ENOX1: variants seen among roughly 807,000 people sequenced by gnomAD.
The protein encoded by ENOX1 is ecto-NOX disulfide-thiol exchanger 1, also known as candidate growth-related and time keeping constitutive hydroquinone (NADH) oxidase.
In ENOX1, 42 loss-of-function variants were observed where a neutral mutation model predicts 82.5. That is an observed-to-expected ratio of 0.51 (90% CI 0.40 to 0.66). The LOEUF is 0.66. Among genes scored for constraint, ENOX1 ranks in the 30% least tolerant of loss-of-function variants. The pLI, the probability that ENOX1 is intolerant of heterozygous loss-of-function variation, is 0.00. For missense variants in ENOX1, 608 were observed against 811.6 expected, an observed-to-expected ratio of 0.75 and a Z score of 3.05; for synonymous variants, 271 against 282.2, an observed-to-expected ratio of 0.96 and a Z score of 0.40.
chr13:43,291,713 G>GC (rs1282893927), intron 12 of ENOX1, among the ~76,000 whole-genome samples: 1 of 152,134 alleles, frequency 6.6e-6, no homozygotes, highest in African/African-American at 2.4e-5. Flanking sequence ...AAAGGTAAAG[G>GC]CCCCCGAAAC....
intron 11 of ENOX1, among the ~76,000 whole-genome samples, chr13:43,315,901 A>G (rs2047451740): frequency 6.6e-6 from 1 of 152,158 alleles, no homozygotes; most frequent in Non-Finnish European, 1.5e-5. Flanking sequence ...AATAAACTGT[A>G]ATGTAGATAA....
chr13:43,563,501 A>G (rs996175361), intron 2 of ENOX1, among the ~76,000 whole-genome samples: 5 of 152,112 alleles, frequency 3.3e-5, no homozygotes, highest in Admixed American at 1.3e-4. Context: ...CTAACACAAA[A>G]TTAGTAGAAG....
chr13:43,392,786 A>T (rs550234419), intron 5 of ENOX1, among the ~76,000 whole-genome samples: 15 of 152,338 alleles, frequency 9.8e-5, no homozygotes, highest in African/African-American at 3.4e-4. Context: ...TTTCATGTTT[A>T]CAAACACATT....
chr13:43,449,873 A>T (rs562371337), intron 3 of ENOX1, among the ~76,000 whole-genome samples: 1 of 152,316 alleles, frequency 6.6e-6, no homozygotes, highest in South Asian at 2.1e-4. Flanking sequence ...GGCAGCAGTT[A>T]TTTCTATCTA....
At position 43,643,344 on chromosome 13, in the gene ENOX1, C is replaced by A. The variant is rs75313795; in HGVS notation, c.-219+24135G>T. On this transcript the variant is annotated intron_variant, in intron 2 of 16. Transcript: ENST00000690772. ...GATCCAGCACAGCACCCTGGCCATT[C>A]ATGACAGATGCCTATTTAGTATGAG... 5.3e-5 allele frequency among the ~76,000 whole-genome samples: 8 copies of A among 152,284 alleles called. No individual in the cohort carries two copies. In the East Asian group the frequency reaches 1.5e-3, roughly 29 times the overall value.
At chr13:43,381,629 C>T (rs2052055167) in intron 5 of ENOX1, among the ~76,000 whole-genome samples, 1 of 151,662 alleles carries the variant, frequency 6.6e-6, no homozygotes, top group Admixed American at 6.6e-5. Context: ...GATAAAACTC[C>T]AGCCAGCCTT....
chr13:43,766,706 T>G (rs1594743525), intron 1 of ENOX1, among the ~76,000 whole-genome samples: 1 of 152,346 alleles, frequency 6.6e-6, no homozygotes, highest in East Asian at 1.9e-4. Context: ...TAAAATAGAC[T>G]TGGTTTCTAA....
intron 10 of ENOX1, 46 bp from the exon 11 acceptor site, chr13:43,322,547 G>A: frequency 6.6e-7 from 1 of 1,510,578 alleles, no homozygotes; most frequent in East Asian, 2.3e-5. Flanking sequence ...GACACATATG[G>A]CTTTCCCCAA....
intron 12 of ENOX1, among the ~76,000 whole-genome samples, chr13:43,287,434 T>C (rs936753006): frequency 2.0e-5 from 3 of 152,250 alleles, no homozygotes; most frequent in Admixed American, 6.5e-5. Flanking sequence ...ATGTGATGTA[T>C]GATTTTATCG....
In ENOX1 at chr13:43,361,383, A is replaced by T; in HGVS notation, c.278T>A (p.Met93Lys). 1 of 1,613,418 alleles carries T rather than the reference A, an allele frequency of 6.2e-7. No homozygotes were observed. The highest frequency in any genetic ancestry group is 8.5e-7 in the Non-Finnish European group (1 of 1,179,850). Residue 93 changes from methionine (M) to lysine (K), a missense_variant, in exon 6 of 17, where the codon ATG becomes AAG. Coordinates refer to ENST00000690772, the MANE Select transcript of ENOX1 (RefSeq NM_001347969.2). ...MMTGITPINP[M>K]IPGLGLVPPP... ...AGGTACCAGTCCAAGGCCTGGTATC[A>T]TTGGGTTAATGGGGGTGATTCCAGT...
intron 1 of ENOX1, among the ~76,000 whole-genome samples, chr13:43,688,074 T>C (rs997663102): frequency 2.0e-5 from 3 of 152,144 alleles, no homozygotes. Flanking sequence ...ATTGCCCTTA[T>C]CCTAAGGGCA....
At position 43,578,317 on chromosome 13, in the gene ENOX1, T is replaced by C. The variant is rs190215306; in HGVS notation, c.-219+89162A>G. On this transcript the variant is annotated intron_variant, in intron 2 of 16. Transcript: ENST00000690772. ...CAGTGAAATTTATTTCAACTAAGAA[T>C]TGATGCAAACAACTGTACACTAGAT... 2.9e-3 allele frequency among the ~76,000 whole-genome samples: 438 copies of C among 152,308 alleles called. 4 individuals are homozygous for C. The highest frequency in any genetic ancestry group is 0.01 in the African/African-American group (417 of 41,568).
At chr13:43,548,268 C>CCT (rs1358267536) in intron 2 of ENOX1, among the ~76,000 whole-genome samples, 1 of 152,094 alleles carries the variant, frequency 6.6e-6, no homozygotes, top group Non-Finnish European at 1.5e-5. Context: ...AACTAACATC[C>CCT]CTCTCCCTGA....
chr13:43,693,929 G>A (rs576189208), intron 1 of ENOX1, among the ~76,000 whole-genome samples: 37 of 152,044 alleles, frequency 2.4e-4, no homozygotes, highest in Admixed American at 1.9e-3. Context: ...TTTAAAATAG[G>A]GTTTATCAAC....
intron 5 of ENOX1, among the ~76,000 whole-genome samples, chr13:43,362,684 C>T (rs1192680620): frequency 5.3e-5 from 8 of 152,166 alleles, no homozygotes; most frequent in African/African-American, 1.7e-4. Context: ...AATAACCACA[C>T]GCTTTGTTTA....
At chr13:43,720,355 C>T (rs987748362) in intron 1 of ENOX1, among the ~76,000 whole-genome samples, 1 of 152,190 alleles carries the variant, frequency 6.6e-6, no homozygotes, top group Admixed American at 6.5e-5. Flanking sequence ...TTCCTTCATA[C>T]GGAAGCCCGT....
chr13:43,773,047 T>C (rs1951733705), intron 1 of ENOX1, among the ~76,000 whole-genome samples: 2 of 152,234 alleles, frequency 1.3e-5, no homozygotes, highest in African/African-American at 2.4e-5. Flanking sequence ...TCTACATTTA[T>C]GGTCACTATT....
At chr13:43,499,682 C>A (rs1381484407) in intron 2 of ENOX1, among the ~76,000 whole-genome samples, 1 of 151,916 alleles carries the variant, frequency 6.6e-6, no homozygotes, top group African/African-American at 2.4e-5. Context: ...CAGACACCAA[C>A]ACAAAGATAC....
intron 3 of ENOX1, among the ~76,000 whole-genome samples, chr13:43,455,533 T>C (rs547054291): frequency 1.3e-5 from 2 of 152,274 alleles, no homozygotes; most frequent in Admixed American, 6.5e-5. Context: ...CTCTGAATCA[T>C]TTTTTTCTTG....
Sources: allele counts gnomAD v4.1 joint callset (sites outside exome capture counted in the v4.1 genomes callset), GRCh38; gene constraint gnomAD v4.1.1; transcripts MANE v1.5; gene names NCBI Gene and HGNC (gene_info 2026-07-23, HGNC 2026-07-21).